Variants in FAM135A observed in about 807,000 individuals in gnomAD.
FAM135A encodes family with sequence similarity 135 member A.
FAM135A carries 79 observed loss-of-function variants against 146.8 expected under a neutral mutation model. The ratio of observed to expected loss-of-function variants is 0.54; its 90% confidence interval spans 0.45 to 0.65. FAM135A has a LOEUF of 0.65. Ranked by LOEUF, FAM135A falls within the 30% of genes least tolerant of loss-of-function variation. The probability of loss-of-function intolerance (pLI) is 0.00; values close to 1 mark genes in which losing one functional copy is unlikely to be tolerated. For missense variants in FAM135A, 1,623 were observed against 1,758.2 expected (o/e 0.92, Z 1.38); for synonymous variants, 562 against 603.6 (o/e 0.93, Z 1.01).
At chr6:70,554,653 G>A (rs1325320042) in intron 20 of FAM135A, among the ~76,000 whole-genome samples, 1 of 152,122 alleles carries the variant, frequency 6.6e-6, no homozygotes, top group Non-Finnish European at 1.5e-5. Flanking sequence ...TTTTGAGACG[G>A]AGTCTCTTTT....
Position 70,477,299 on chromosome 6 carries a change from C to T in FAM135A, c.509C>T (p.Ala170Val), listed in dbSNP as rs1485266089. The change falls in exon 8 of 22, where the codon GCA (alanine) becomes GTA (valine). Residue 170 changes from alanine (A) to valine (V), a missense_variant. By Grantham distance (64) the Ala-to-Val change is moderately conservative (BLOSUM62 0). Transcript: ENST00000418814. The stretch of plus-strand genomic sequence containing the variant: ...TCTGTTGTGTCTGTTACAGTTCATG[C>T]ATCATTGGTTGCACTACACCAGCCA... ...HLSVVSVTVH[A>V]SLVALHQPLI... 15 of 1,613,162 alleles carry T rather than the reference C, an allele frequency of 9.3e-6. No homozygotes were observed. The highest frequency in any genetic ancestry group is 1.2e-5 in the Non-Finnish European group (14 of 1,179,532).
chr6:70,467,935 T>G (rs1780792864), intron 5 of FAM135A, among the ~76,000 whole-genome samples: 1 of 152,200 alleles, frequency 6.6e-6, no homozygotes, highest in Non-Finnish European at 1.5e-5. Context: ...GTTAAAAGTG[T>G]CCTTCTGATA....
intron 4 of FAM135A, among the ~76,000 whole-genome samples, chr6:70,449,308 A>G (rs960316433): frequency 3.9e-5 from 6 of 151,996 alleles, no homozygotes; most frequent in Non-Finnish European, 5.9e-5. Context: ...GTACATTATT[A>G]TTAACTGTGG....
At chr6:70,440,397 A>G (rs1448687761) in intron 4 of FAM135A, among the ~76,000 whole-genome samples, 1 of 152,066 alleles carries the variant, frequency 6.6e-6, no homozygotes, top group African/African-American at 2.4e-5. Context: ...TAAAATGGAG[A>G]TATCCAGGGC....
At chr6:70,441,250 C>T (rs1414206665) in intron 4 of FAM135A, among the ~76,000 whole-genome samples, 3 of 151,758 alleles carry the variant, frequency 2.0e-5, no homozygotes, top group Non-Finnish European at 2.9e-5. Context: ...AAAAATTAGC[C>T]GGTGGCACGC....
chr6:70,512,852 G>C (rs1019004506), intron 12 of FAM135A, among the ~76,000 whole-genome samples: 6 of 151,522 alleles, frequency 4.0e-5, no homozygotes, highest in Non-Finnish European at 7.4e-5. Flanking sequence ...AGAAATCTTT[G>C]CCCAAGTCAT....
At chr6:70,533,089 A>C (rs1379145245) in intron 16 of FAM135A, 71 bp from the exon 17 acceptor site, 2 of 1,242,252 alleles carry the variant, frequency 1.6e-6, no homozygotes, top group Non-Finnish European at 2.3e-6. Context: ...AAAAACTGTA[A>C]AAATATGTGA....
intron 5 of FAM135A, among the ~76,000 whole-genome samples, chr6:70,471,424 G>T (rs761821430): frequency 5.3e-5 from 8 of 152,140 alleles, no homozygotes; most frequent in African/African-American, 9.7e-5. Context: ...CAGAAAGACA[G>T]GTGGAAGTAT....
chr6:70,526,766 TACACACACACACAC>T (rs71538422), intron 15 of FAM135A, 68 bp downstream of exon 15: 31 of 452,718 alleles, frequency 6.8e-5, no homozygotes, highest in East Asian at 6.5e-4. Flanking sequence ...CACACACACA[TACACACACACACAC>T]ACACACACAC....
At chr6:70,467,589 G>A (rs538929608) in intron 5 of FAM135A, among the ~76,000 whole-genome samples, 8 of 151,458 alleles carry the variant, frequency 5.3e-5, no homozygotes, top group African/African-American at 7.3e-5. Context: ...CCTTTTTCCC[G>A]TTCTCTTCTT....
At chr6:70,459,321 G>T (rs1778968128) in intron 5 of FAM135A, among the ~76,000 whole-genome samples, 1 of 152,184 alleles carries the variant, frequency 6.6e-6, no homozygotes, top group African/African-American at 2.4e-5. Flanking sequence ...GAGTTACAGT[G>T]GAGCAGGTTG....
intron 12 of FAM135A, among the ~76,000 whole-genome samples, chr6:70,513,073 T>C (rs930330260): frequency 9.9e-5 from 15 of 151,824 alleles, no homozygotes; most frequent in Non-Finnish European, 1.9e-4. Context: ...TTGTTGAAAA[T>C]CAATTGACTA....
chr6:70,430,856 G>T (rs1408226564), intron 4 of FAM135A, among the ~76,000 whole-genome samples: 1 of 152,122 alleles, frequency 6.6e-6, no homozygotes, highest in Admixed American at 6.6e-5. Context: ...CTTATAAAAT[G>T]ACTAGCTCTT....
rs532768095 is a variant in FAM135A at position 70,446,478 on chromosome 6, A to C, written c.78-6014A>C. Among the ~76,000 whole-genome samples the C allele has an allele frequency of 2.6e-5, 4 of 152,338 alleles. No homozygotes were observed. The South Asian group carries it at 8.3e-4, about 32-fold the overall frequency. On this transcript the variant is annotated intron_variant, in intron 4 of 21. Coordinates refer to ENST00000418814, the MANE Select transcript of FAM135A (RefSeq NM_001162529.3). Reference sequence around the variant, plus strand: ...ATCAATCAATAATGATTCCATAGGAATCATTGTGCAGCACCTCTGCCTGTT... The same window carrying C: ...ATCAATCAATAATGATTCCATAGGACTCATTGTGCAGCACCTCTGCCTGTT...
intron 18 of FAM135A, chr6:70,535,895 A>C (rs1489310878): frequency 6.4e-6 from 1 of 156,538 alleles, no homozygotes; most frequent in African/African-American, 2.4e-5. Flanking sequence ...ATTTTGTTTG[A>C]AATGATGAAT....
chr6:70,452,500 A>G lies in FAM135A; in HGVS notation c.86A>G (p.Gln29Arg), dbSNP rs1777334467. The G allele has an allele frequency of 4.4e-6, 7 of 1,595,652 alleles. No homozygotes were observed. The highest frequency in any genetic ancestry group is 6.0e-6 in the Non-Finnish European group (7 of 1,174,894). The change falls in exon 5 of 22, where the codon CAG (glutamine) becomes CGG (arginine). Residue 29 changes from glutamine to arginine, a missense_variant. Around this residue, in one of 7 missense-constraint regions of FAM135A, gnomAD observed 171 missense variants for 164.9 expected, o/e 1.04. Coordinates refer to ENST00000418814, the MANE Select transcript of FAM135A (RefSeq NM_001162529.3). The stretch of plus-strand genomic sequence containing the variant: ...TGTTTATTTTGCTTTAGTTTTTACC[A>G]GATTCGTGCTTCTATGAAAATTCCA... ...NVDLFQRGFY[Q>R]IRASMKIPSR...
intron 4 of FAM135A, 32 bp downstream of exon 4, chr6:70,428,451 TG>T: frequency 6.8e-7 from 1 of 1,477,646 alleles, no homozygotes; most frequent in Non-Finnish European, 9.3e-7. Flanking sequence ...TGATATATTT[TG>T]CATAAGATGT....
chr6:70,512,894 G>A (rs996156766), intron 12 of FAM135A, among the ~76,000 whole-genome samples: 1 of 151,730 alleles, frequency 6.6e-6, no homozygotes, highest in Non-Finnish European at 1.5e-5. Context: ...GCTTTAGAGA[G>A]CATTAGAATT....
chr6:70,425,220 C>T (rs2127744738), intron 2 of FAM135A, among the ~76,000 whole-genome samples: 1 of 151,980 alleles, frequency 6.6e-6, no homozygotes, highest in South Asian at 2.1e-4. Flanking sequence ...AATTCCTAGC[C>T]TATAGTAGGT....
Sources: gnomAD v4.1 joint callset for allele counts (sites outside exome capture counted in the v4.1 genomes callset) on GRCh38, gnomAD v4.1.1 for gene constraint, gnomAD v4.1.1 regional missense constraint, MANE v1.5 for transcripts, NCBI Gene and HGNC (gene_info 2026-07-23, HGNC 2026-07-21) for gene names.